Variants in ADGRB3 observed in about 807,000 individuals in gnomAD.
ADGRB3 encodes the protein brain-specific angiogenesis inhibitor 3.
A neutral mutation model predicts 193.4 loss-of-function variants in ADGRB3; 37 were observed. The ratio of observed to expected loss-of-function variants is 0.19; its 90% CI spans 0.15 to 0.25. The LOEUF (loss-of-function observed/expected upper bound fraction) is 0.25, where lower values mean the gene tolerates loss of function less well. Ranked by LOEUF, ADGRB3 falls within the 10% of genes least tolerant of loss-of-function variation. ADGRB3 has a pLI of 1.00. For synonymous variants in ADGRB3, 690 were observed against 644.2 expected, an observed-to-expected ratio of 1.07 and a Z score of -1.08; for missense variants, 1,637 against 1,852.9, an observed-to-expected ratio of 0.88 and a Z score of 2.14.
intron 29 of ADGRB3, among the ~76,000 whole-genome samples, chr6:69,366,947 C>A (rs1769583128): frequency 6.6e-6 from 1 of 151,994 alleles, no homozygotes. Flanking sequence ...GGAGAATACA[C>A]CCTATGGCAG....
chr6:69,014,151 T>G (rs747593762), intron 12 of ADGRB3, 45 bp downstream of exon 12: 19 of 1,388,110 alleles, frequency 1.4e-5, no homozygotes, highest in African/African-American at 4.4e-5. Flanking sequence ...CAAAACAAAG[T>G]GTAAAAAATA....
chr6:68,647,454 T>C (rs1768243840), intron 3 of ADGRB3, among the ~76,000 whole-genome samples: 1 of 152,308 alleles, frequency 6.6e-6, no homozygotes, highest in African/African-American at 2.4e-5. Context: ...CTATAAACCA[T>C]AGAGAATTGA....
chr6:69,085,374 A>G (rs959978504), intron 17 of ADGRB3, among the ~76,000 whole-genome samples: 2 of 152,250 alleles, frequency 1.3e-5, no homozygotes, highest in East Asian at 1.9e-4. Context: ...AAGTAAAATT[A>G]TGTTATTAAT....
At chr6:69,014,400 A>G (rs1311903940) in intron 12 of ADGRB3, among the ~76,000 whole-genome samples, 1 of 151,876 alleles carries the variant, frequency 6.6e-6, no homozygotes, top group African/African-American at 2.4e-5. Context: ...AGACCATGGG[A>G]AAAACAGCAC....
At chr6:69,053,144 C>T (rs1771447816) in intron 15 of ADGRB3, among the ~76,000 whole-genome samples, 1 of 152,204 alleles carries the variant, frequency 6.6e-6, no homozygotes, top group East Asian at 1.9e-4. Flanking sequence ...AGAGATCCCA[C>T]CATTGCCCTC....
rs1304672017 is a variant in ADGRB3 at position 68,818,877 on chromosome 6, A to C, written c.758-111682A>C. ...ATTCAGAAAGAAAAGCAACTCCCTG[A>C]GGAAAGATCAATTTCAAAGGAATCT... On this transcript the variant is annotated intron_variant, in intron 3 of 31. Coordinates refer to ENST00000370598, the MANE Select transcript of ADGRB3 (RefSeq NM_001704.3). 5.3e-5 allele frequency among the ~76,000 whole-genome samples: 8 copies of C among 152,072 alleles called. No homozygotes were observed. In the East Asian group the frequency reaches 1.5e-3, roughly 29 times the overall value.
chr6:69,221,711 A>G (rs1307969198), intron 17 of ADGRB3, among the ~76,000 whole-genome samples: 1 of 152,148 alleles, frequency 6.6e-6, no homozygotes, highest in Non-Finnish European at 1.5e-5. Context: ...TATACTTCTC[A>G]GGGCACTTAT....
chr6:69,082,731 CAT>C (rs1379828322), intron 17 of ADGRB3, among the ~76,000 whole-genome samples: 4 of 152,016 alleles, frequency 2.6e-5, no homozygotes, highest in Admixed American at 6.6e-5. Context: ...CTGTGGCTGA[CAT>C]GTCTTATATT....
chr6:68,981,490 T>C (rs1252260696), intron 10 of ADGRB3, among the ~76,000 whole-genome samples: 1 of 151,752 alleles, frequency 6.6e-6, no homozygotes, highest in East Asian at 1.9e-4. Flanking sequence ...GAGTTTTCCA[T>C]TATGCCTGTA....
chr6:68,812,486 T>C (rs1316442665), intron 3 of ADGRB3, among the ~76,000 whole-genome samples: 1 of 152,134 alleles, frequency 6.6e-6, no homozygotes, highest in East Asian at 1.9e-4. Flanking sequence ...TTATAGATAA[T>C]AGTAACACTC....
intron 5 of ADGRB3, among the ~76,000 whole-genome samples, chr6:68,940,547 CTTTTTTTT>C: frequency 1.6e-4 from 11 of 69,210 alleles, no homozygotes; most frequent in South Asian, 6.8e-4. Context: ...TGCTTTTGAA[CTTTTTTTT>C]TTTTTTTTTT....
At chr6:69,387,022 C>G (rs989151082) in intron 31 of ADGRB3, among the ~76,000 whole-genome samples, 3 of 151,986 alleles carry the variant, frequency 2.0e-5, no homozygotes, top group Admixed American at 6.6e-5. Flanking sequence ...TTTTTGCAAC[C>G]CCATAAGGTA....
At chr6:69,050,775 C>A (rs1771370366) in intron 15 of ADGRB3, among the ~76,000 whole-genome samples, 1 of 152,088 alleles carries the variant, frequency 6.6e-6, no homozygotes, top group African/African-American at 2.4e-5. Flanking sequence ...TAAACTTGTC[C>A]AGTCACTCAG....
At chr6:68,766,358 A>G (rs1218493672) in intron 3 of ADGRB3, among the ~76,000 whole-genome samples, 2 of 151,958 alleles carry the variant, frequency 1.3e-5, no homozygotes, top group Admixed American at 6.6e-5. Flanking sequence ...CATACGTAGT[A>G]TGAACTTTTT....
intron 3 of ADGRB3, among the ~76,000 whole-genome samples, chr6:68,740,063 A>T (rs1327489286): frequency 6.6e-6 from 1 of 152,158 alleles, no homozygotes; most frequent in African/African-American, 2.4e-5. Flanking sequence ...AAACTCTCTG[A>T]CACTCTATTT....
rs189352631 is a variant in ADGRB3, at chr6:68,954,960, C to A, written c.1196-1064C>A. ...CCTCCCAAAGTGCTGCGATTACAGG[C>A]GTGTTCAATGGCTTCTTAAACACCT... On this transcript the variant is annotated intron_variant, in intron 6 of 31. Transcript: ENST00000370598. Among the ~76,000 whole-genome samples the A allele has an allele frequency of 6.2e-3, 943 of 152,230 alleles. 3 individuals carry two copies. Among genetic ancestry groups the A allele is most frequent in the Non-Finnish European group, 9.9e-3 (676 of 68,004 alleles).
chr6:69,158,877 T>C (rs753295373), intron 17 of ADGRB3, among the ~76,000 whole-genome samples: 4 of 152,110 alleles, frequency 2.6e-5, no homozygotes, highest in Non-Finnish European at 5.9e-5. Flanking sequence ...ATTATCACAA[T>C]TTTTCAATCT....
chr6:69,143,746 T>C (rs1774405139), intron 17 of ADGRB3, among the ~76,000 whole-genome samples: 1 of 152,230 alleles, frequency 6.6e-6, no homozygotes, highest in African/African-American at 2.4e-5. Context: ...TTTATGTGTC[T>C]GTTTTAATAC....
chr6:68,732,285 C>T (rs1765789416), intron 3 of ADGRB3, among the ~76,000 whole-genome samples: 1 of 151,622 alleles, frequency 6.6e-6, no homozygotes, highest in South Asian at 2.1e-4. Context: ...AAGCCTCATA[C>T]CCATTAGCTA....
Sources: gnomAD v4.1 joint callset for allele counts (sites outside exome capture counted in the v4.1 genomes callset) on GRCh38, gnomAD v4.1.1 for gene constraint, MANE v1.5 for transcripts, NCBI Gene and HGNC (gene_info 2026-07-23, HGNC 2026-07-21) for gene names.